The following CELSR2 variants were observed in gnomAD, a reference collection of about 807,000 sequenced individuals.
CELSR2 encodes the protein cadherin EGF LAG seven-pass G-type receptor 2, also known as EGF-like protein 2.
In CELSR2, 81 loss-of-function variants were observed where a neutral mutation model predicts 251.6. The ratio of observed to expected loss-of-function variants is 0.32; its 90% CI spans 0.27 to 0.39. The LOEUF (loss-of-function observed/expected upper bound fraction) is 0.39, where lower values mean the gene tolerates loss of function less well. Ranked by LOEUF, CELSR2 falls within the 10% of genes least tolerant of loss-of-function variation. CELSR2 has a pLI of 1.00. For missense variants in CELSR2, 3,365 were observed against 3,947.7 expected (o/e 0.85, Z 3.96); for synonymous variants, 1,721 against 1,670.5 (o/e 1.03, Z -0.74).
In CELSR2 at chr1:109,250,148, G is replaced by A; in HGVS notation, c.69G>A (p.Leu23=). ...PPPPLLLLLL[L]LLPPPLLGDQ... ...CGCCGCTGCTGCTGCTGTTGCTGCT[G>A]CTGCTGCCGCCGCCACTATTGGGAG... Residue 23 remains leucine, a synonymous_variant, in exon 1 of 34, where the codon CTG becomes CTA. Transcript: ENST00000271332. The surrounding 1 kb of genome is among the most constrained non-coding windows in gnomAD (Gnocchi z 4.4). 2 of 1,597,968 alleles carry A rather than the reference G, an allele frequency of 1.3e-6. No homozygotes were observed. Among genetic ancestry groups the A allele is most frequent in the Non-Finnish European group, 1.7e-6 (2 of 1,174,684 alleles).
At position 109,250,582 on chromosome 1, in the gene CELSR2, G is replaced by T. The variant is rs1350332242; in HGVS notation, c.503G>T (p.Gly168Val). ...AGERSPEESL[G>V]GRRKRNVNTA... ...GAAAGGTCACCAGAAGAGTCCCTGG[G>T]TGGGCGTCGGAAAAGGAATGTAAAT... Residue 168 changes from glycine (G) to valine (V), a missense_variant, in exon 1 of 34, where the codon GGT becomes GTT. Around this residue, in one of 5 missense-constraint regions of CELSR2, gnomAD observed 704 missense variants for 784.1 expected, o/e 0.90. Coordinates refer to ENST00000271332, the MANE Select transcript of CELSR2 (RefSeq NM_001408.3). This position sits in a 1 kb window ranked among gnomAD's most constrained non-coding sequence, Gnocchi z 4.4. 8 of 1,613,946 alleles carry T rather than the reference G, an allele frequency of 5.0e-6. No individual in the cohort carries two copies. Among genetic ancestry groups the T allele is most frequent in the Non-Finnish European group, 5.9e-6 (7 of 1,180,022 alleles).
chr1:109,273,957 C>G, intron 33 of CELSR2, 65 bp from the exon 34 acceptor site: 3 of 1,585,806 alleles, frequency 1.9e-6, no homozygotes, highest in Non-Finnish European at 8.7e-7. Flanking sequence ...AGCTTTCACT[C>G]TCTCCTCTGT....
chr1:109,254,423 G>A (rs1475328360), intron 1 of CELSR2, among the ~76,000 whole-genome samples: 2 of 152,340 alleles, frequency 1.3e-5, no homozygotes, highest in African/African-American at 2.4e-5. Flanking sequence ...AGTTGGAGGG[G>A]GTTGGTGACA....
Position 109,269,163 on chromosome 1 carries a change from G to A in CELSR2, c.6685G>A (p.Glu2229Lys). The A allele has an allele frequency of 6.2e-7, 1 of 1,611,708 alleles. No individual in the cohort carries two copies. Among genetic ancestry groups the A allele is most frequent in the Non-Finnish European group, 8.5e-7 (1 of 1,179,262 alleles). The change falls in exon 20 of 34, where the codon GAG becomes AAG. Residue 2229 changes from glutamate (E) to lysine (K), a missense_variant. Around this residue, in one of 5 missense-constraint regions of CELSR2, gnomAD observed 2,093 missense variants for 2,382.8 expected, o/e 0.88. Transcript: ENST00000271332. This position sits in a 1 kb window ranked among gnomAD's most constrained non-coding sequence, Gnocchi z 6.4. ...AGPGEAQEPE[E>K]LARRQRRHPE... ...CCCCGGAGAGGCCCAGGAGCCAGAGGAGCTGGCACGGCGACAGCGACGGCA... is the reference window on the plus strand; with the variant it reads ...CCCCGGAGAGGCCCAGGAGCCAGAGAAGCTGGCACGGCGACAGCGACGGCA...
Position 109,264,587 on chromosome 1 carries a change from G to T in CELSR2, c.5423G>T (p.Cys1808Phe). Reference protein sequence around the residue: ...DSNPCPANSYCSNDWDSYSCS... With the variant: ...DSNPCPANSYFSNDWDSYSCS... Reference sequence around the variant, plus strand: ...AACCCGTGTCCTGCTAACAGCTATTGCAGCAACGACTGGGACAGCTATTCC... The same window carrying T: ...AACCCGTGTCCTGCTAACAGCTATTTCAGCAACGACTGGGACAGCTATTCC... Residue 1808 changes from cysteine (C) to phenylalanine (F), a missense_variant, in exon 11 of 34, where the codon TGC becomes TTC. Physicochemically the swap from Cys to Phe is radical, Grantham distance 205. Around this residue, in one of 5 missense-constraint regions of CELSR2, gnomAD observed 2,093 missense variants for 2,382.8 expected, o/e 0.88. Transcript: ENST00000271332. 1.2e-6 allele frequency: 2 copies of T among 1,614,034 alleles called. No homozygotes were observed. Among genetic ancestry groups the T allele is most frequent in the Non-Finnish European group, 1.7e-6 (2 of 1,179,884 alleles).
At chr1:109,264,845 C>A in intron 11 of CELSR2, 23 bp from the exon 12 acceptor site, 1 of 1,614,010 alleles carries the variant, frequency 6.2e-7, no homozygotes, top group South Asian at 1.1e-5. Context: ...GGGAATGAGC[C>A]TCTCTGGTCC....
Position 109,251,112 on chromosome 1 carries a change from C to T in CELSR2, c.1033C>T (p.Arg345Cys), listed in dbSNP as rs748320682. The T allele has an allele frequency of 1.4e-5, 22 of 1,613,100 alleles. No individual in the cohort carries two copies. Among genetic ancestry groups the T allele is most frequent in the South Asian group, 4.4e-5 (4 of 91,050 alleles). The change falls in exon 1 of 34, where the codon CGC (arginine) becomes TGC (cysteine). Residue 345 changes from arginine (R) to cysteine (C), a missense_variant. By Grantham distance (180) the Arg-to-Cys change is radical. This residue lies in a region of CELSR2 where 704 missense variants were observed against 784.1 expected (regional missense o/e 0.90). Coordinates refer to ENST00000271332, the MANE Select transcript of CELSR2 (RefSeq NM_001408.3). The surrounding 1 kb of genome is among the most constrained non-coding windows in gnomAD (Gnocchi z 4.9). ...CTCTGAAGTCTTTGAGATCGACCCT[C>T]GCTCTGGGGTGATCCGAACCCGTGG... Reference protein sequence around the residue: ...SPSEVFEIDPRSGVIRTRGPV... With the variant: ...SPSEVFEIDPCSGVIRTRGPV...
chr1:109,271,846 G>A lies in CELSR2; in HGVS notation c.7926+124G>A, dbSNP rs531574175. On this transcript the variant is annotated intron_variant, in intron 28 of 33. Transcript: ENST00000271332. ...CCATCCCTTCCTGGAAGGTGGAAGG[G>A]GAGGTGAAATGCTGTGTTCGGCCTG... 8 of 1,284,922 alleles carry A rather than the reference G, an allele frequency of 6.2e-6. No individual in the cohort carries two copies. The African/African-American group carries it at 8.8e-5, about 14-fold the overall frequency. The allele number at this position is 1,284,922 out of a possible 1,614,324, so 79.6% of individuals were successfully genotyped here. A position where few individuals can be genotyped will look rare whatever the true frequency, so the allele number is the denominator to read the frequency against.
At position 109,261,491 on chromosome 1, in the gene CELSR2, C is replaced by G; in HGVS notation, c.4182-22C>G. The G allele has an allele frequency of 6.2e-7, 1 of 1,605,890 alleles. No individual in the cohort carries two copies. Among genetic ancestry groups the G allele is most frequent in the African/African-American group, 1.3e-5 (1 of 74,848 alleles). On this transcript the variant is annotated intron_variant, in intron 3 of 33. Coordinates refer to ENST00000271332, the MANE Select transcript of CELSR2 (RefSeq NM_001408.3). The surrounding 1 kb of genome is among the most constrained non-coding windows in gnomAD (Gnocchi z 4.8). ...CCAGGTGGGTACCCCATTCCCTGCC[C>G]CCATCCCCAACTCCTGTTCAGGTTT...
In CELSR2 at chr1:109,271,445, C is replaced by T. The variant is rs1242397473; in HGVS notation, c.7736C>T (p.Ala2579Val). The change falls in exon 27 of 34, where the codon GCA becomes GTA. Residue 2579 changes from alanine (A) to valine (V), a missense_variant. Transcript: ENST00000271332. Reference protein sequence around the residue: ...LLLLSATWLLALLSVNSDTLL... With the variant: ...LLLLSATWLLVLLSVNSDTLL... ...CTGCTGAGCGCCACGTGGCTGCTGGCACTGCTCTCTGTCAACAGCGACACC... is the reference window on the plus strand; with the variant it reads ...CTGCTGAGCGCCACGTGGCTGCTGGTACTGCTCTCTGTCAACAGCGACACC... The T allele has an allele frequency of 1.2e-6, 2 of 1,613,954 alleles. No homozygotes were observed. The highest frequency in any genetic ancestry group is 1.7e-5 in the Admixed American group (1 of 60,008).
In CELSR2 at chr1:109,259,095, G is replaced by A. The variant is rs745426104; in HGVS notation, c.3958+16G>A. 2.6e-6 allele frequency: 4 copies of A among 1,550,786 alleles called. No individual in the cohort carries two copies. The highest frequency in any genetic ancestry group is 3.5e-6 in the Non-Finnish European group (4 of 1,152,688). On this transcript the variant is annotated intron_variant, in intron 2 of 33. Transcript: ENST00000271332. Reference sequence around the variant, plus strand: ...GGCTACACGGGTGAGCCAAGGGAGGGGACTCATGGGCCAGCCCTGGAAGGC... The same window carrying A: ...GGCTACACGGGTGAGCCAAGGGAGGAGACTCATGGGCCAGCCCTGGAAGGC...
chr1:109,269,279 G>A lies in CELSR2; in HGVS notation c.6801G>A (p.Lys2267=). The A allele has an allele frequency of 3.1e-6, 5 of 1,613,286 alleles. No homozygotes were observed. In the Middle Eastern group the frequency reaches 8.3e-4, roughly 266 times the overall value. Residue 2267 remains lysine (K), a synonymous_variant, in exon 20 of 34, where the codon AAG becomes AAA. Transcript: ENST00000271332. This position sits in a 1 kb window ranked among gnomAD's most constrained non-coding sequence, Gnocchi z 6.4. Reference sequence around the variant, plus strand: ...TGCCTCATAACTATGACCCTGACAAGCGCAGCTTGAGGTCAGCAGCTAGGG... The same window carrying A: ...TGCCTCATAACTATGACCCTGACAAACGCAGCTTGAGGTCAGCAGCTAGGG... ...GLLPHNYDPD[K]RSLRVPKRPI... is the part of the protein sequence containing the mutation.
At chr1:109,267,766 T>G in intron 16 of CELSR2, 85 bp from the exon 17 acceptor site, 1 of 1,563,910 alleles carries the variant, frequency 6.4e-7, no homozygotes, top group Non-Finnish European at 8.7e-7. Flanking sequence ...GGCTCCCAGC[T>G]GGAGAGGCCG....
chr1:109,257,509 A>G (rs653138), intron 1 of CELSR2, among the ~76,000 whole-genome samples: 22,439 of 152,096 alleles, frequency 0.15, 2,336 homozygotes, highest in African/African-American at 0.29. Flanking sequence ...TGTGGGTGGA[A>G]TGAGACACCA....
At position 109,264,476 on chromosome 1, in the gene CELSR2, C is replaced by A. The variant is rs772750957; in HGVS notation, c.5312C>A (p.Pro1771Gln). The A allele has an allele frequency of 8.7e-6, 14 of 1,613,590 alleles. No individual in the cohort carries two copies. Among genetic ancestry groups the A allele is most frequent in the African/African-American group, 5.3e-5 (4 of 74,910 alleles). Residue 1771 changes from proline to glutamine, a missense_variant, in exon 11 of 34, where the codon CCG (proline) becomes CAG (glutamine). Physicochemically the swap from Pro to Gln is moderately conservative, Grantham distance 76. Coordinates refer to ENST00000271332, the MANE Select transcript of CELSR2 (RefSeq NM_001408.3). Reference sequence around the variant, plus strand: ...CAGGGTGTGCGGGTGAGCGATACGCCGGAGGGGGTTAACAGCCTGGATCCC... The same window carrying A: ...CAGGGTGTGCGGGTGAGCGATACGCAGGAGGGGGTTAACAGCCTGGATCCC... ...CLQGVRVSDT[P>Q]EGVNSLDPSH...
intron 2 of CELSR2, 145 bp from the exon 3 acceptor site, chr1:109,260,897 G>A (rs1045924357): frequency 5.1e-5 from 32 of 631,668 alleles, no homozygotes; most frequent in African/African-American, 4.0e-4. Context: ...GATGGCACAC[G>A]AGAGGAAGTG....
At chr1:109,267,325 G>A (rs1182953281) in intron 15 of CELSR2, among the ~76,000 whole-genome samples, 1 of 152,124 alleles carries the variant, frequency 6.6e-6, no homozygotes, top group Non-Finnish European at 1.5e-5. Context: ...GGCTCAAGGA[G>A]GTCGTATGCC....
Position 109,250,124 on chromosome 1 carries a change from G to GCCA in CELSR2, c.47_48insACC (p.Pro16dup), listed in dbSNP as rs1279679836. The GCCA allele has an allele frequency of 6.3e-7, 1 of 1,582,598 alleles. No individual in the cohort carries two copies. The highest frequency in any genetic ancestry group is 1.1e-5 in the South Asian group (1 of 88,890). On this transcript the variant is annotated inframe_insertion, in exon 1 of 34. Transcript: ENST00000271332. The surrounding 1 kb of genome is among the most constrained non-coding windows in gnomAD (Gnocchi z 4.4). Reference sequence around the variant, plus strand: ...GCGTCCCCCTCCCAACGCCGCCGCCGCCGCTGCTGCTGCTGTTGCTGCTGC... The same window carrying GCCA: ...GCGTCCCCCTCCCAACGCCGCCGCCGCCACCGCTGCTGCTGCTGTTGCTGCTGC...
In CELSR2 at chr1:109,251,560, A is replaced by G. The variant is rs1186411418; in HGVS notation, c.1481A>G (p.Gln494Arg). The change falls in exon 1 of 34, where the codon CAG becomes CGG. Residue 494 changes from glutamine (Q) to arginine (R), a missense_variant. Around this residue, in one of 5 missense-constraint regions of CELSR2, gnomAD observed 704 missense variants for 784.1 expected, o/e 0.90. Coordinates refer to ENST00000271332, the MANE Select transcript of CELSR2 (RefSeq NM_001408.3). This position sits in a 1 kb window ranked among gnomAD's most constrained non-coding sequence, Gnocchi z 4.9. ...AATGTCTCTGGCTTGGTGACAGTACAGGTCCTGGATATCAACGACAATGCC... is the reference window on the plus strand; with the variant it reads ...AATGTCTCTGGCTTGGTGACAGTACGGGTCCTGGATATCAACGACAATGCC... ...LSNVSGLVTV[Q>R]VLDINDNAPI... 1.2e-6 allele frequency: 2 copies of G among 1,613,578 alleles called. No homozygotes were observed. The highest frequency in any genetic ancestry group is 1.7e-6 in the Non-Finnish European group (2 of 1,180,014).
Sources: gnomAD v4.1 joint callset for allele counts (sites outside exome capture counted in the v4.1 genomes callset) on GRCh38, gnomAD v4.1.1 for gene constraint, gnomAD v4.1.1 regional missense constraint, Gnocchi (gnomAD v3.1) non-coding constraint, MANE v1.5 for transcripts, NCBI Gene and HGNC (gene_info 2026-07-23, HGNC 2026-07-21) for gene names.